Variants in TMPRSS3 observed in about 807,000 individuals in gnomAD.
TMPRSS3 encodes transmembrane serine protease 3.
A neutral mutation model predicts 59.6 loss-of-function variants in TMPRSS3; 55 were observed. That is an observed-to-expected ratio of 0.92 (90% CI 0.74 to 1.16). TMPRSS3 has a LOEUF of 1.16. Among genes scored for constraint, TMPRSS3 ranks in the 50% most tolerant of loss-of-function variants. The pLI, the probability that TMPRSS3 is intolerant of heterozygous loss-of-function variation, is 0.00. For synonymous variants in TMPRSS3, 257 were observed against 237.7 expected (o/e 1.08, Z -0.75); for missense variants, 596 against 579.4 (o/e 1.03, Z -0.29).
At position 42,379,179 on chromosome 21, in the gene TMPRSS3, C is replaced by G. The variant is rs539198942; in HGVS notation, c.1048+938G>C. 4.1e-4 allele frequency among the ~76,000 whole-genome samples: 63 copies of G among 152,214 alleles called. 1 individual carries two copies. Among genetic ancestry groups the G allele is most frequent in the African/African-American group, 1.3e-3 (56 of 41,520 alleles). On this transcript the variant is annotated intron_variant, in intron 10 of 12. Transcript: ENST00000644384. Reference sequence around the variant, plus strand: ...GGGATTACAGGCATGAACCACTGCACCCGGCCCAGGCTAATTTTTTTAATT... The same window carrying G: ...GGGATTACAGGCATGAACCACTGCAGCCGGCCCAGGCTAATTTTTTTAATT...
rs201425269 is a variant in TMPRSS3 at position 42,376,537 on chromosome 21, G to A, written c.1191+4C>T. Reference sequence around the variant, plus strand: ...CGGCCTCGCCCACCGCTGCGGCCCCGTACCTGGCAGCTGTCCACGCCACCC... The same window carrying A: ...CGGCCTCGCCCACCGCTGCGGCCCCATACCTGGCAGCTGTCCACGCCACCC... On this transcript the variant is annotated splice_donor_region_variant and intron_variant, in intron 11 of 12. Transcript: ENST00000644384. The A allele has an allele frequency of 1.2e-5, 19 of 1,612,876 alleles. No homozygotes were observed. The highest frequency in any genetic ancestry group is 6.7e-5 in the Admixed American group (4 of 60,008).
At chr21:42,390,148 A>C in intron 2 of TMPRSS3, 111 bp from the exon 3 acceptor site, 1 of 881,298 alleles carries the variant, frequency 1.1e-6, no homozygotes, top group East Asian at 2.6e-5. Context: ...GAGAAGTCTC[A>C]GCCCAAAGAA....
rs769552964 is a variant in TMPRSS3, at chr21:42,395,444, C to T, written c.-27G>A. On this transcript the variant is annotated 5_prime_UTR_variant, in exon 2 of 13. Transcript: ENST00000644384. The stretch of plus-strand genomic sequence containing the variant: ...GTGACTATTTCAGGACCTCTGACAT[C>T]CGGCTCCGCCTCCACCTCTACCTCC... 7.6e-6 allele frequency: 12 copies of T among 1,589,194 alleles called. No homozygotes were observed. The highest frequency in any genetic ancestry group is 9.5e-6 in the Non-Finnish European group (11 of 1,157,588).
Position 42,372,641 on chromosome 21 carries a change from G to A in TMPRSS3, c.*121C>T. 1.0e-6 allele frequency: 1 copy of A among 996,752 alleles called. No individual in the cohort carries two copies. The highest frequency in any genetic ancestry group is 1.6e-6 in the Non-Finnish European group (1 of 616,622). 61.7% of individuals were successfully genotyped at this position (996,752 alleles called of 1,614,324 possible). A position where few individuals can be genotyped will look rare whatever the true frequency, so the allele number is the denominator to read the frequency against. On this transcript the variant is annotated 3_prime_UTR_variant, in exon 13 of 13. Transcript: ENST00000644384. Reference sequence around the variant, plus strand: ...TGCCTCTTTCGGGCCTGCTACTGGTGCCGGAACTCAGAGCTCCAAGGGTGT... The same window carrying A: ...TGCCTCTTTCGGGCCTGCTACTGGTACCGGAACTCAGAGCTCCAAGGGTGT...
chr21:42,390,087 GTGCCATGAA>G, intron 2 of TMPRSS3, 50 bp from the exon 3 acceptor site: 1 of 1,373,254 alleles, frequency 7.3e-7, no homozygotes, highest in Non-Finnish European at 1.0e-6. Flanking sequence ...CTGACTTGGA[GTGCCATGAA>G]ACTTACAAAT....
chr21:42,383,887 G>A (rs774368272), intron 7 of TMPRSS3, 83 bp downstream of exon 7: 4 of 1,440,058 alleles, frequency 2.8e-6, no homozygotes, highest in East Asian at 2.3e-5. Context: ...GAGCCCCATG[G>A]GGGGAGAGGA....
rs192630206 is a variant in TMPRSS3, at chr21:42,380,166, G to A, written c.999C>T (p.Pro333=). ...CTGACGTCCAGCACACTTTTCCATC[G>A]GGGAAGTTCTCTTCAGAGTTGGGCA... ...VCLPNSEENF[P]DGKVCWTSGW... Residue 333 remains proline (P), a synonymous_variant, in exon 10 of 13, where the codon CCC becomes CCT. Transcript: ENST00000644384. 2.8e-5 allele frequency: 46 copies of A among 1,614,088 alleles called. 1 individual carries two copies. Among genetic ancestry groups the A allele is most frequent in the South Asian group, 1.6e-4 (15 of 91,074 alleles).
At chr21:42,389,334 C>CG (rs1568889660) in intron 3 of TMPRSS3, among the ~76,000 whole-genome samples, 1 of 152,148 alleles carries the variant, frequency 6.6e-6, no homozygotes, top group African/African-American at 2.4e-5. Flanking sequence ...AACTGCATGG[C>CG]GGGGGGCCGA....
In TMPRSS3 at chr21:42,388,511, T is replaced by C. The variant is rs760596000; in HGVS notation, c.338A>G (p.Gln113Arg). 5.0e-6 allele frequency: 8 copies of C among 1,614,106 alleles called. No homozygotes were observed. In the Admixed American group the frequency reaches 1.2e-4, roughly 24 times the overall value. ...TGTGAACACCTGGAGCACGGCATTC[T>C]GACCACCCACCCGGACTGGCCGATG... ...DEYRCVRVGG[Q>R]NAVLQVFTAA... is the part of the protein sequence containing the mutation. Residue 113 changes from glutamine to arginine, a missense_variant, in exon 5 of 13, where the codon CAG becomes CGG. Physicochemically the swap from Gln to Arg is conservative, Grantham distance 43. Coordinates refer to ENST00000644384, the MANE Select transcript of TMPRSS3 (RefSeq NM_001256317.3). This position sits in a 1 kb window ranked among gnomAD's most constrained non-coding sequence, Gnocchi z 5.1.
chr21:42,394,697 C>T (rs1022503621), intron 2 of TMPRSS3, among the ~76,000 whole-genome samples: 4 of 152,168 alleles, frequency 2.6e-5, no homozygotes, highest in Admixed American at 2.6e-4. Flanking sequence ...CTCCCTAGCA[C>T]CAATGTGTCA....
intron 2 of TMPRSS3, 132 bp downstream of exon 2, chr21:42,395,192 A>G: frequency 1.3e-6 from 1 of 765,212 alleles, no homozygotes; most frequent in Non-Finnish European, 2.3e-6. Flanking sequence ...GATCTAGGGA[A>G]GTGCAGGTGT....
chr21:42,376,319 G>C (rs1273365968), intron 11 of TMPRSS3, among the ~76,000 whole-genome samples: 1 of 152,210 alleles, frequency 6.6e-6, no homozygotes, highest in African/African-American at 2.4e-5. Flanking sequence ...AATTGGAGGG[G>C]AGCAGCATGA....
In TMPRSS3 at chr21:42,389,717, T is replaced by C. The variant is rs3814900; in HGVS notation, c.205+210A>G. 0.096 allele frequency among the ~76,000 whole-genome samples: 14,687 copies of C among 152,266 alleles called. 783 individuals are homozygous for C. The highest frequency in any genetic ancestry group is 0.21 in the East Asian group (1,107 of 5,184). Reference sequence around the variant, plus strand: ...GGCAGGTTCCTTGGTGACAAAGCCATGAGCATGGCCAGCAGCCCTTGCGGC... The same window carrying C: ...GGCAGGTTCCTTGGTGACAAAGCCACGAGCATGGCCAGCAGCCCTTGCGGC... On this transcript the variant is annotated intron_variant, in intron 3 of 12. Transcript: ENST00000644384.
At chr21:42,380,250 A>T in intron 9 of TMPRSS3, 38 bp from the exon 10 acceptor site, 1 of 1,542,524 alleles carries the variant, frequency 6.5e-7, no homozygotes, top group Non-Finnish European at 9.0e-7. Flanking sequence ...ACTCAATTGA[A>T]GCAGGAGTCC....
chr21:42,385,815 C>G (rs564992203), intron 5 of TMPRSS3, among the ~76,000 whole-genome samples: 6 of 152,318 alleles, frequency 3.9e-5, no homozygotes, highest in Admixed American at 2.0e-4. Flanking sequence ...GAGTGACCAT[C>G]TCCTATGTCC....
At chr21:42,381,025 C>T (rs928079456) in intron 9 of TMPRSS3, among the ~76,000 whole-genome samples, 1 of 152,242 alleles carries the variant, frequency 6.6e-6, no homozygotes, top group Non-Finnish European at 1.5e-5. Flanking sequence ...CTGGGCATTA[C>T]GTGTCCATGT....
In TMPRSS3 at chr21:42,371,907, T is replaced by G. The variant is rs1371453012; in HGVS notation, c.*855A>C. The G allele has an allele frequency of 2.2e-6, 1 of 453,610 alleles. No individual in the cohort carries two copies. The highest frequency in any genetic ancestry group is 2.0e-5 in the African/African-American group (1 of 50,074). 28.1% of individuals were successfully genotyped at this position (453,610 alleles called of 1,614,324 possible). ...CCAGACAATGAGGGAAGGAAACATA[T>G]TATTTGGAATCAAAGGACAATAATA... On this transcript the variant is annotated 3_prime_UTR_variant, in exon 13 of 13. Coordinates refer to ENST00000644384, the MANE Select transcript of TMPRSS3 (RefSeq NM_001256317.3).
intron 10 of TMPRSS3, among the ~76,000 whole-genome samples, chr21:42,379,601 G>A (rs567726907): frequency 2.0e-5 from 3 of 152,158 alleles, no homozygotes; most frequent in Non-Finnish European, 2.9e-5. Context: ...CCACACTAAG[G>A]AAAGGGTGGC....
rs768801900 is a variant in TMPRSS3, at chr21:42,375,821, C to T, written c.1239G>A (p.Lys413=). Residue 413 remains lysine (K), a synonymous_variant, in exon 12 of 13, where the codon AAG becomes AAA. Coordinates refer to ENST00000644384, the MANE Select transcript of TMPRSS3 (RefSeq NM_001256317.3). ...PLVCQERRLW[K]LVGATSFGIG... ...TGCCAAAGCTGGTCGCTCCCACTAA[C>T]TTCCACAGCCTCCTCTCTTGACACA... 3.7e-6 allele frequency: 6 copies of T among 1,613,932 alleles called. No individual in the cohort carries two copies. The highest frequency in any genetic ancestry group is 4.2e-6 in the Non-Finnish European group (5 of 1,180,034).
Sources: gnomAD v4.1 joint callset for allele counts (sites outside exome capture counted in the v4.1 genomes callset) on GRCh38, gnomAD v4.1.1 for gene constraint, Gnocchi (gnomAD v3.1) non-coding constraint, MANE v1.5 for transcripts, NCBI Gene and HGNC (gene_info 2026-07-23, HGNC 2026-07-21) for gene names.